RAB33A: variants seen among roughly 807,000 people sequenced by gnomAD.
The protein encoded by RAB33A is RAB33A, member RAS oncogene family.
RAB33A carries 6 observed loss-of-function variants against 12.0 expected under a neutral mutation model. The ratio of observed to expected loss-of-function variants is 0.50; its 90% CI spans 0.27 to 0.99. The LOEUF is 0.99. RAB33A is among the 50% of genes least tolerant of loss of function. The pLI is 0.11. For missense variants in RAB33A, 109 were observed against 192.0 expected, an observed-to-expected ratio of 0.57 and a Z score of 2.55; for synonymous variants, 70 against 82.4, an observed-to-expected ratio of 0.85 and a Z score of 0.81.
At chrX:130,114,958 C>A in the RAB33A span, among the ~76,000 whole-genome samples, 1 of 111,403 alleles carries the variant, frequency 9.0e-6, no homozygotes, top group Admixed American at 9.5e-5. Flanking sequence ...TGCACACCAC[C>A]ATGCCTGGCT....
At chrX:130,135,435 T>TC in the RAB33A span, among the ~76,000 whole-genome samples, 1 of 22,268 alleles carries the variant, frequency 4.5e-5, no homozygotes, top group African/African-American at 2.3e-4. Flanking sequence ...CATCTTTTTT[T>TC]TTTTAAAAAA....
At chrX:130,156,728 A>G in the RAB33A span, 1 of 749,940 alleles carries the variant, frequency 1.3e-6, no homozygotes, top group Non-Finnish European at 2.0e-6. Context: ...TAAATGATCA[A>G]GAAAAATATC....
At chrX:130,124,629 A>C in the RAB33A span, among the ~76,000 whole-genome samples, 2 of 112,544 alleles carry the variant, frequency 1.8e-5, no homozygotes, top group East Asian at 5.6e-4. Context: ...ATTTGTGTCC[A>C]AATTGTCAAC....
chrX:130,139,246 C>T, the RAB33A span, among the ~76,000 whole-genome samples: 1 of 109,692 alleles, frequency 9.1e-6, no homozygotes, highest in Admixed American at 9.8e-5. Flanking sequence ...GCACAAGAAT[C>T]GCTTGAACCC....
At chrX:130,174,303 C>G (rs952825906) in intron 1 of RAB33A, among the ~76,000 whole-genome samples, 1 of 111,873 alleles carries the variant, frequency 8.9e-6, no homozygotes, top group Non-Finnish European at 1.9e-5. Context: ...TTCAAGGGGA[C>G]AAAGCCTTGT....
At chrX:130,143,602 G>A in the RAB33A span, among the ~76,000 whole-genome samples, 1 of 110,530 alleles carries the variant, frequency 9.0e-6, no homozygotes, top group Non-Finnish European at 1.9e-5. Context: ...TGTAATCTCA[G>A]CACTTTGGGA....
chrX:130,174,958 A>G (rs1435695203), intron 1 of RAB33A, among the ~76,000 whole-genome samples: 1 of 111,272 alleles, frequency 9.0e-6, no homozygotes, highest in Non-Finnish European at 1.9e-5. Flanking sequence ...TGATGAACTC[A>G]ATTGTATGAA....
chrX:130,157,693 G>A, the RAB33A span, among the ~76,000 whole-genome samples: 8 of 111,285 alleles, frequency 7.2e-5, no homozygotes, highest in Non-Finnish European at 1.5e-4. Flanking sequence ...TAGGTCAGGC[G>A]TGGTGGCTCA....
intron 1 of RAB33A, among the ~76,000 whole-genome samples, chrX:130,176,643 A>G (rs1231405944): frequency 8.9e-6 from 1 of 112,407 alleles, no homozygotes; most frequent in Non-Finnish European, 1.9e-5. Context: ...ATCTTCTGCC[A>G]GTTAACTTAA....
At chrX:130,138,443 T>C in the RAB33A span, 41 of 471,907 alleles carry the variant, frequency 8.7e-5, 1 homozygote, top group East Asian at 1.6e-4. Context: ...CCAGCCTGGG[T>C]GACAGAGCGA....
chrX:130,157,288 A>G, the RAB33A span, among the ~76,000 whole-genome samples: 1 of 112,554 alleles, frequency 8.9e-6, no homozygotes, highest in African/African-American at 3.2e-5. Flanking sequence ...ATGCAGAGCT[A>G]TGTAATGATG....
the RAB33A span, among the ~76,000 whole-genome samples, chrX:130,164,109 A>C: frequency 9.4e-6 from 1 of 106,255 alleles, no homozygotes; most frequent in Non-Finnish European, 1.9e-5. Flanking sequence ...CGGAGATTGC[A>C]GTGAGCCGAG....
At chrX:130,140,471 G>T in the RAB33A span, 1 of 965,354 alleles carries the variant, frequency 1.0e-6, no homozygotes, top group Non-Finnish European at 1.5e-6. Context: ...CATAGAGAAG[G>T]CTGGACTCTA....
In RAB33A at chrX:130,172,073, C is replaced by T. The variant is rs745626844; in HGVS notation, c.11C>T (p.Pro4Leu). The change falls in exon 1 of 2, where the codon CCC becomes CTC. Residue 4 changes from proline to leucine, a missense_variant. Physicochemically the swap from Pro to Leu is moderately conservative, Grantham distance 98. Transcript: ENST00000257017. MAQPILGHGSLQPA... is the reference protein window; with the variant it reads MAQLILGHGSLQPA... ...TTCGGTCCGGGGGAGATGGCGCAGCCCATCCTGGGCCATGGGAGCCTGCAG... is the reference window on the plus strand; with the variant it reads ...TTCGGTCCGGGGGAGATGGCGCAGCTCATCCTGGGCCATGGGAGCCTGCAG... 1 of 1,208,059 alleles carries T rather than the reference C, an allele frequency of 8.3e-7. No individual in the cohort carries two copies. Among genetic ancestry groups the T allele is most frequent in the Non-Finnish European group, 1.1e-6 (1 of 893,750 alleles).
chrX:130,171,969 C>A lies in RAB33A; in HGVS notation c.-94C>A. 2 of 1,004,197 alleles carry A rather than the reference C, an allele frequency of 2.0e-6. No homozygotes were observed. The highest frequency in any genetic ancestry group is 2.6e-6 in the Non-Finnish European group (2 of 759,451). The allele number at this position is 1,004,197 out of a possible 1,213,427, so 82.8% of individuals were successfully genotyped here. ...ACACACACGCGCGCACACACACACG[C>A]ACAGAGCTCGCTCGCCTCGAGCGCA... is the stretch of plus-strand genomic sequence containing the variant. On this transcript the variant is annotated 5_prime_UTR_variant, in exon 1 of 2. Coordinates refer to ENST00000257017, the MANE Select transcript of RAB33A (RefSeq NM_004794.3).
the RAB33A span, among the ~76,000 whole-genome samples, chrX:130,161,899 G>A: frequency 1.8e-5 from 2 of 111,946 alleles, no homozygotes; most frequent in East Asian, 2.8e-4. Flanking sequence ...GAGCCACCAC[G>A]CCTAGCTATC....
At chrX:130,137,574 G>A in the RAB33A span, 1 of 1,156,787 alleles carries the variant, frequency 8.6e-7, no homozygotes, top group Non-Finnish European at 1.2e-6. Flanking sequence ...ATTCCAACTG[G>A]AGCTCACAGA....
At chrX:130,146,228 A>G in the RAB33A span, among the ~76,000 whole-genome samples, 1 of 111,565 alleles carries the variant, frequency 9.0e-6, no homozygotes, top group Non-Finnish European at 1.9e-5. Context: ...ACTTGAGGCC[A>G]GGAGTTTGAG....
the RAB33A span, among the ~76,000 whole-genome samples, chrX:130,146,238 G>C: frequency 1.1e-4 from 12 of 111,356 alleles, no homozygotes; most frequent in Non-Finnish European, 3.8e-5. Context: ...AGGAGTTTGA[G>C]ACCAGATTGG....
Sources: gnomAD v4.1 joint callset for allele counts (sites outside exome capture counted in the v4.1 genomes callset) on GRCh38, gnomAD v4.1.1 for gene constraint, MANE v1.5 for transcripts, NCBI Gene and HGNC (gene_info 2026-07-23, HGNC 2026-07-21) for gene names.